MARCHF3: variants seen among roughly 807,000 people sequenced by gnomAD.
MARCHF3 encodes the protein membrane associated ring-CH-type finger 3.
Under a neutral mutation model 24.2 loss-of-function variants are expected in MARCHF3, and 13 were observed. The ratio of observed to expected loss-of-function variants is 0.54; its 90% confidence interval spans 0.35 to 0.85. MARCHF3 has a LOEUF of 0.85. Ranked by LOEUF, MARCHF3 falls within the 40% of genes least tolerant of loss-of-function variation. The pLI is 0.01. For synonymous variants in MARCHF3, 144 were observed against 137.3 expected (o/e 1.05, Z -0.34); for missense variants, 276 against 325.0 (o/e 0.85, Z 1.16).
intron 1 of MARCHF3, among the ~76,000 whole-genome samples, chr5:126,969,078 G>A (rs973923942): frequency 6.6e-6 from 1 of 152,128 alleles, no homozygotes; most frequent in African/African-American, 2.4e-5. Flanking sequence ...CCTAATCCAA[G>A]ATCATGAAGA....
chr5:126,996,360 T>C (rs1561465130), intron 1 of MARCHF3, among the ~76,000 whole-genome samples: 1 of 152,130 alleles, frequency 6.6e-6, no homozygotes, highest in Non-Finnish European at 1.5e-5. Context: ...TGTTAGTAGA[T>C]AGTGGGCAAG....
chr5:126,903,819 T>G (rs1470179586), intron 3 of MARCHF3, among the ~76,000 whole-genome samples: 1 of 152,034 alleles, frequency 6.6e-6, no homozygotes, highest in Non-Finnish European at 1.5e-5. Flanking sequence ...TATTTATTTA[T>G]TTATTATTAT....
At chr5:126,941,452 T>C (rs890261074) in intron 1 of MARCHF3, among the ~76,000 whole-genome samples, 11 of 7,832 alleles carry the variant, frequency 1.4e-3, no homozygotes, top group African/African-American at 2.6e-3. Flanking sequence ...GTGTGATAAA[T>C]AGAAAAAAAA....
chr5:126,931,327 A>T (rs1329559693), intron 1 of MARCHF3, among the ~76,000 whole-genome samples: 1 of 152,190 alleles, frequency 6.6e-6, no homozygotes, highest in African/African-American at 2.4e-5. Context: ...TGACTCTGTA[A>T]GTGGAGGACT....
chr5:126,954,683 T>C (rs1263288949), intron 1 of MARCHF3, among the ~76,000 whole-genome samples: 2 of 151,570 alleles, frequency 1.3e-5, no homozygotes, highest in African/African-American at 2.4e-5. Flanking sequence ...AGTTTCTTTT[T>C]TTTTTTTTTT....
chr5:126,928,472 A>G (rs1222623552), intron 1 of MARCHF3, among the ~76,000 whole-genome samples: 1 of 152,210 alleles, frequency 6.6e-6, no homozygotes, highest in Non-Finnish European at 1.5e-5. Context: ...AGTAAAGGAG[A>G]TTGTCAAAAA....
chr5:126,899,262 T>G, intron 3 of MARCHF3: 1 of 985,286 alleles, frequency 1.0e-6, no homozygotes, highest in African/African-American at 1.7e-5. Flanking sequence ...CCAAATCTGC[T>G]GCACCTGTCA....
intron 3 of MARCHF3, chr5:126,899,268 T>A: frequency 1.0e-6 from 1 of 985,272 alleles, no homozygotes; most frequent in South Asian, 4.7e-5. Context: ...CTGCTGCACC[T>A]GTCAAAAAAA....
At chr5:126,992,916 C>G (rs1751821356) in intron 1 of MARCHF3, among the ~76,000 whole-genome samples, 1 of 152,152 alleles carries the variant, frequency 6.6e-6, no homozygotes, top group East Asian at 1.9e-4. Context: ...GGACTACAGG[C>G]GCCAGCCACC....
chr5:126,971,030 A>G (rs1003210107), intron 1 of MARCHF3, among the ~76,000 whole-genome samples: 4 of 152,334 alleles, frequency 2.6e-5, no homozygotes, highest in African/African-American at 9.6e-5. Flanking sequence ...GTAGGTTGAG[A>G]AAATTCAAGA....
At chr5:127,008,663 A>G (rs1235089008) in intron 1 of MARCHF3, among the ~76,000 whole-genome samples, 1 of 152,178 alleles carries the variant, frequency 6.6e-6, no homozygotes, top group South Asian at 2.1e-4. Context: ...TTCTAAATTT[A>G]GAGTCTTTAT....
chr5:127,019,929 A>G (rs1475595869), intron 1 of MARCHF3, among the ~76,000 whole-genome samples: 1 of 152,222 alleles, frequency 6.6e-6, no homozygotes, highest in African/African-American at 2.4e-5. Flanking sequence ...TAGGACTCTG[A>G]TTCTAGCCCA....
chr5:126,943,116 C>A (rs1398826081), intron 1 of MARCHF3, among the ~76,000 whole-genome samples: 1 of 152,068 alleles, frequency 6.6e-6, no homozygotes, highest in East Asian at 1.9e-4. Context: ...TGAAACCCTG[C>A]CTCACTGTGT....
intron 1 of MARCHF3, among the ~76,000 whole-genome samples, chr5:127,011,265 T>C (rs113733767): frequency 2.0e-5 from 3 of 152,330 alleles, no homozygotes; most frequent in African/African-American, 7.2e-5. Context: ...AGGATACTTC[T>C]GTGAAGGACT....
At chr5:126,906,116 A>C (rs1483638023) in intron 3 of MARCHF3, among the ~76,000 whole-genome samples, 1 of 116,226 alleles carries the variant, frequency 8.6e-6, no homozygotes, top group Non-Finnish European at 1.9e-5. Flanking sequence ...GCTGGATTAC[A>C]TTTATTGATT....
At chr5:126,991,398 G>A (rs926325112) in intron 1 of MARCHF3, among the ~76,000 whole-genome samples, 1 of 152,162 alleles carries the variant, frequency 6.6e-6, no homozygotes, top group African/African-American at 2.4e-5. Context: ...GGGCCTGTTA[G>A]GGGGTGGGAG....
chr5:126,903,849 C>A (rs1189970813), intron 3 of MARCHF3, among the ~76,000 whole-genome samples: 2 of 151,982 alleles, frequency 1.3e-5, no homozygotes, highest in Non-Finnish European at 2.9e-5. Flanking sequence ...TTTCAGGGTA[C>A]ATGTGCACAA....
Position 127,029,766 on chromosome 5 carries a change from C to A in MARCHF3, c.-57+584G>T, listed in dbSNP as rs184084668. ...GCGGGTGGATGTGGAGGTCCGAGCA[C>A]CTCAGGAGGGTCATGGATTCAAGTG... On this transcript the variant is annotated intron_variant, in intron 1 of 4. Transcript: ENST00000308660. Among the ~76,000 whole-genome samples, 5 of 152,338 alleles carry A rather than the reference C, an allele frequency of 3.3e-5. No homozygotes were observed. The East Asian group carries it at 9.6e-4, about 29-fold the overall frequency.
chr5:126,887,609 A>G (rs1221077911), intron 3 of MARCHF3, among the ~76,000 whole-genome samples: 1 of 152,216 alleles, frequency 6.6e-6, no homozygotes, highest in Non-Finnish European at 1.5e-5. Context: ...CATGCGCTTC[A>G]ACACATTGCC....
Sources: allele counts gnomAD v4.1 joint callset (sites outside exome capture counted in the v4.1 genomes callset), GRCh38; gene constraint gnomAD v4.1.1; transcripts MANE v1.5; gene names NCBI Gene and HGNC (gene_info 2026-07-23, HGNC 2026-07-21).